The following FBLN7 variants were observed in gnomAD, a reference collection of about 807,000 sequenced individuals.
FBLN7 encodes fibulin-7.
Under a neutral mutation model 44.0 loss-of-function variants are expected in FBLN7, and 31 were observed. The observed-to-expected ratio is 0.70, with a 90% CI of 0.53 to 0.95. FBLN7 has a LOEUF of 0.95. Among genes scored for constraint, FBLN7 ranks in the 40% least tolerant of loss-of-function variants. FBLN7 has a pLI of 0.00. For missense variants in FBLN7, 573 were observed against 618.5 expected (o/e 0.93, Z 0.78); for synonymous variants, 262 against 253.4 (o/e 1.03, Z -0.32).
At chr2:112,214,664 T>C in the FBLN7 span, 3 of 151,820 alleles carry the variant, frequency 2.0e-5, no homozygotes, top group Non-Finnish European at 4.4e-5. Flanking sequence ...AACGGCACAG[T>C]GGGGGCGTGG....
chr2:112,181,764 C>T lies in FBLN7; in HGVS notation c.558C>T (p.Gly186=), dbSNP rs1376756867. 2 of 1,410,444 alleles carry T rather than the reference C, an allele frequency of 1.4e-6. No individual in the cohort carries two copies. Among genetic ancestry groups the T allele is most frequent in the African/African-American group, 1.5e-5 (1 of 66,558 alleles). 87.4% of individuals were successfully genotyped at this position (1,410,444 alleles called of 1,614,324 possible). A position where few individuals can be genotyped will look rare whatever the true frequency, so the allele number is the denominator to read the frequency against. The change falls in exon 5 of 8, where the codon GGC becomes GGT. Residue 186 remains glycine, a synonymous_variant. Coordinates refer to ENST00000331203, the MANE Select transcript of FBLN7 (RefSeq NM_153214.3). Reference sequence around the variant, plus strand: ...CCGCCCCCGAGGGCAGCGTGGCCGGCGACTCCGCCTTCAGCCGCGCGCCGC... The same window carrying T: ...CCGCCCCCGAGGGCAGCGTGGCCGGTGACTCCGCCTTCAGCCGCGCGCCGC... ...QTAAPEGSVA[G]DSAFSRAPRC...
chr2:112,220,876 C>T, the FBLN7 span, among the ~76,000 whole-genome samples: 1 of 152,134 alleles, frequency 6.6e-6, no homozygotes, highest in Non-Finnish European at 1.5e-5. Flanking sequence ...TCTCCAGCTG[C>T]CCTTAACCGT....
the FBLN7 span, among the ~76,000 whole-genome samples, chr2:112,227,022 A>C: frequency 2.6e-5 from 4 of 152,226 alleles, no homozygotes; most frequent in Non-Finnish European, 5.9e-5. Flanking sequence ...AGTACTCAAA[A>C]AACTAGAAAT....
At chr2:112,160,476 T>C (rs1321813424) in intron 2 of FBLN7, among the ~76,000 whole-genome samples, 1 of 152,240 alleles carries the variant, frequency 6.6e-6, no homozygotes, top group East Asian at 1.9e-4. Flanking sequence ...GCGCCACTTT[T>C]AGATCACGCA....
intron 3 of FBLN7, among the ~76,000 whole-genome samples, chr2:112,170,487 A>G (rs145804712): frequency 5.9e-5 from 9 of 151,540 alleles, no homozygotes; most frequent in African/African-American, 2.2e-4. Context: ...AGATCATGCT[A>G]CTGCACTCCA....
At chr2:112,186,994 T>C (rs1180261856) in intron 7 of FBLN7, 140 bp from the exon 8 acceptor site, 26 of 1,004,680 alleles carry the variant, frequency 2.6e-5, no homozygotes, top group Non-Finnish European at 5.7e-6. Flanking sequence ...CACAGCTCCA[T>C]AGCTCCTGGG....
chr2:112,213,562 G>C, the FBLN7 span: 2 of 151,612 alleles, frequency 1.3e-5, no homozygotes, highest in African/African-American at 4.8e-5. Context: ...GGATCACGAG[G>C]TCAGGAGATC....
At chr2:112,238,955 C>T in the FBLN7 span, among the ~76,000 whole-genome samples, 1 of 152,256 alleles carries the variant, frequency 6.6e-6, no homozygotes, top group Middle Eastern at 3.4e-3. Context: ...GTAAAACACC[C>T]CAAGTAAACT....
At chr2:112,202,399 T>TTA in the FBLN7 span, among the ~76,000 whole-genome samples, 1 of 151,428 alleles carries the variant, frequency 6.6e-6, no homozygotes, top group Non-Finnish European at 1.5e-5. Context: ...ACACTTCTAT[T>TTA]TATATATTAC....
At chr2:112,152,587 T>A (rs1681212976) in intron 1 of FBLN7, 1 of 152,258 alleles carries the variant, frequency 6.6e-6, no homozygotes. Flanking sequence ...AAGCGATTGT[T>A]TAGATACGAC....
In FBLN7 at chr2:112,138,601, G is replaced by T; in HGVS notation, c.-55G>T. On this transcript the variant is annotated 5_prime_UTR_variant, in exon 1 of 8. Transcript: ENST00000331203. ...GCTGCCGCATCGCTGGGACAAACTC[G>T]GCAGCGGAGGCAAAGTTATTTCCCC... 6.3e-7 allele frequency: 1 copy of T among 1,588,660 alleles called. No individual in the cohort carries two copies. The highest frequency in any genetic ancestry group is 1.4e-5 in the African/African-American group (1 of 73,922).
chr2:112,181,828 G>A lies in FBLN7; in HGVS notation c.622G>A (p.Glu208Lys). 1 of 1,521,384 alleles carries A rather than the reference G, an allele frequency of 6.6e-7. No individual in the cohort carries two copies. The allele number at this position is 1,521,384 out of a possible 1,614,324, so 94.2% of individuals were successfully genotyped here. Residue 208 changes from glutamate to lysine, a missense_variant, in exon 5 of 8, where the codon GAG becomes AAG. Glu to Lys is a moderately conservative substitution (Grantham distance 56). Transcript: ENST00000331203. ...QVERAQHCSC[E>K]AGFHLSGAAG... The stretch of plus-strand genomic sequence containing the variant: ...GGAGCGGGCTCAGCACTGCAGCTGC[G>A]AGGCCGGATTCCACCTGAGCGGCGC...
At chr2:112,196,043 C>T in the FBLN7 span, among the ~76,000 whole-genome samples, 1 of 152,346 alleles carries the variant, frequency 6.6e-6, no homozygotes, top group South Asian at 2.1e-4. Flanking sequence ...CCAGAGTTCT[C>T]TCTCCTCTCA....
the FBLN7 span, among the ~76,000 whole-genome samples, chr2:112,226,639 G>A: frequency 1.4e-5 from 2 of 146,666 alleles, no homozygotes; most frequent in Non-Finnish European, 1.5e-5. Flanking sequence ...GTGAATTAAA[G>A]GAGAAATAAT....
the FBLN7 span, chr2:112,233,214 T>C: frequency 7.7e-7 from 1 of 1,291,776 alleles, no homozygotes; most frequent in Non-Finnish European, 1.1e-6. Context: ...TTTAAAATGT[T>C]CATGTAAATA....
intron 4 of FBLN7, among the ~76,000 whole-genome samples, chr2:112,181,517 T>C (rs890598083): frequency 6.6e-6 from 1 of 152,186 alleles, no homozygotes; most frequent in African/African-American, 2.4e-5. Flanking sequence ...TCCTGCACCA[T>C]TCTATTCCAG....
chr2:112,201,661 T>C, the FBLN7 span, among the ~76,000 whole-genome samples: 1 of 152,006 alleles, frequency 6.6e-6, no homozygotes, highest in South Asian at 2.1e-4. Context: ...ACTCACATCA[T>C]CTCCCCAACT....
chr2:112,160,758 A>G (rs62158711), intron 2 of FBLN7, among the ~76,000 whole-genome samples: 1,201 of 53,096 alleles, frequency 0.023, 22 homozygotes, highest in African/African-American at 0.085. Context: ...GCACGCACAC[A>G]CGCACGCACA....
the FBLN7 span, among the ~76,000 whole-genome samples, chr2:112,225,914 T>C: frequency 1.3e-5 from 2 of 151,836 alleles, no homozygotes; most frequent in Non-Finnish European, 2.9e-5. Flanking sequence ...AAACCCCATC[T>C]CTACTAAAAA....
Sources: gnomAD v4.1 joint callset for allele counts (sites outside exome capture counted in the v4.1 genomes callset) on GRCh38, gnomAD v4.1.1 for gene constraint, MANE v1.5 for transcripts, NCBI Gene and HGNC (gene_info 2026-07-23, HGNC 2026-07-21) for gene names.